The following DLG2 variants were observed in gnomAD, a reference collection of about 807,000 sequenced individuals.
DLG2 encodes discs large MAGUK scaffold protein 2, also known as disks large homolog 2.
A neutral mutation model predicts 132.5 loss-of-function variants in DLG2; 45 were observed. The observed-to-expected ratio is 0.34, with a 90% CI of 0.27 to 0.44. The LOEUF (loss-of-function observed/expected upper bound fraction) is 0.44, where lower values mean the gene tolerates loss of function less well. Among genes scored for constraint, DLG2 ranks in the 20% least tolerant of loss-of-function variants. DLG2 has a pLI of 1.00. For synonymous variants in DLG2, 424 were observed against 419.6 expected, an observed-to-expected ratio of 1.01 and a Z score of -0.13; for missense variants, 1,045 against 1,196.9, an observed-to-expected ratio of 0.87 and a Z score of 1.87.
intron 4 of DLG2, among the ~76,000 whole-genome samples, chr11:85,259,041 T>A (rs1028687659): frequency 2.0e-5 from 3 of 152,190 alleles, no homozygotes; most frequent in Non-Finnish European, 4.4e-5. Context: ...CACCCCTTAC[T>A]TTAAGACTAA....
At chr11:83,983,602 CATA>C (rs1355285479) in intron 11 of DLG2, among the ~76,000 whole-genome samples, 1 of 151,730 alleles carries the variant, frequency 6.6e-6, no homozygotes, top group African/African-American at 2.4e-5. Flanking sequence ...TTAAATTAAC[CATA>C]ATAGTTGTTA....
chr11:83,989,357 GAGTA>G (rs2093568492), intron 11 of DLG2, among the ~76,000 whole-genome samples: 1 of 152,070 alleles, frequency 6.6e-6, no homozygotes, highest in Non-Finnish European at 1.5e-5. Context: ...TGTAATAAAG[GAGTA>G]AGTATATCTA....
chr11:84,890,120 G>C (rs2089092078), intron 6 of DLG2, among the ~76,000 whole-genome samples: 1 of 152,140 alleles, frequency 6.6e-6, no homozygotes, highest in East Asian at 1.9e-4. Flanking sequence ...TTATTTTCTA[G>C]ATGGCAAAAT....
chr11:84,648,100 A>C (rs772869012), intron 6 of DLG2, among the ~76,000 whole-genome samples: 6 of 152,178 alleles, frequency 3.9e-5, no homozygotes, highest in Non-Finnish European at 7.4e-5. Context: ...TATGAACAAG[A>C]TCTTACTGCC....
chr11:84,480,830 C>G (rs1369146044), intron 7 of DLG2, among the ~76,000 whole-genome samples: 1 of 150,988 alleles, frequency 6.6e-6, no homozygotes, highest in Admixed American at 6.6e-5. Context: ...ATCTCACCTC[C>G]CGGGTTCAAG....
At chr11:85,365,621 G>A (rs1306046490) in intron 3 of DLG2, among the ~76,000 whole-genome samples, 1 of 152,092 alleles carries the variant, frequency 6.6e-6, no homozygotes, top group African/African-American at 2.4e-5. Flanking sequence ...CTACTATAAA[G>A]ACACATGCAC....
chr11:84,911,064 G>A (rs1465511837), intron 6 of DLG2, among the ~76,000 whole-genome samples: 1 of 152,060 alleles, frequency 6.6e-6, no homozygotes, highest in Non-Finnish European at 1.5e-5. Context: ...AAAGCAATTA[G>A]AATGAAAAAT....
intron 6 of DLG2, among the ~76,000 whole-genome samples, chr11:84,561,167 A>G: frequency 6.6e-6 from 1 of 152,074 alleles, no homozygotes. Context: ...CAAATGATAG[A>G]TGTGCTTTAC....
At chr11:84,845,516 C>T (rs2081344143) in intron 6 of DLG2, among the ~76,000 whole-genome samples, 1 of 152,044 alleles carries the variant, frequency 6.6e-6, no homozygotes, top group African/African-American at 2.4e-5. Context: ...ATCATCACTA[C>T]TAACATCCAG....
chr11:83,876,832 T>C (rs1246994417), intron 15 of DLG2, among the ~76,000 whole-genome samples: 10 of 152,158 alleles, frequency 6.6e-5, no homozygotes, highest in Non-Finnish European at 1.3e-4. Flanking sequence ...CTTCATATCC[T>C]CTGCTTTTCC....
intron 8 of DLG2, among the ~76,000 whole-genome samples, chr11:84,193,050 A>T (rs189471737): frequency 2.0e-5 from 3 of 152,198 alleles, no homozygotes; most frequent in Non-Finnish European, 4.4e-5. Flanking sequence ...GAAGTGGCTA[A>T]CAATGCATGT....
Position 83,851,947 on chromosome 11 carries a change from T to C in DLG2, c.1566-18177A>G, listed in dbSNP as rs868812510. On this transcript the variant is annotated intron_variant, in intron 16 of 27. Transcript: ENST00000376104. The stretch of plus-strand genomic sequence containing the variant: ...AAAAAAAAAAAAAAAAAGACAGCCA[T>C]GTGAAGACAGAGATACACCAGGAGA... 5.2e-4 allele frequency among the ~76,000 whole-genome samples: 77 copies of C among 148,092 alleles called. No individual in the cohort carries two copies. In the Middle Eastern group the frequency reaches 0.014, roughly 27 times the overall value.
chr11:84,375,099 C>G (rs2154431203), intron 7 of DLG2, among the ~76,000 whole-genome samples: 2 of 152,124 alleles, frequency 1.3e-5, no homozygotes, highest in East Asian at 3.8e-4. Flanking sequence ...GTCTCCAAAG[C>G]AAGAATACCC....
chr11:85,277,398 C>T (rs1482934584), intron 4 of DLG2, among the ~76,000 whole-genome samples: 10 of 152,102 alleles, frequency 6.6e-5, no homozygotes, highest in Non-Finnish European at 7.4e-5. Context: ...ATCTTTGCAT[C>T]ATCCAAGTAA....
chr11:84,042,871 G>T (rs898007019), intron 11 of DLG2, among the ~76,000 whole-genome samples: 4 of 151,778 alleles, frequency 2.6e-5, no homozygotes, highest in African/African-American at 9.7e-5. Flanking sequence ...AACACATACT[G>T]GGGCCTGTAG....
intron 6 of DLG2, among the ~76,000 whole-genome samples, chr11:84,947,829 T>C (rs548257721): frequency 6.6e-6 from 1 of 152,356 alleles, no homozygotes; most frequent in South Asian, 2.1e-4. Context: ...TCTTTTACTC[T>C]CATAAGTGTC....
intron 18 of DLG2, among the ~76,000 whole-genome samples, chr11:83,768,155 T>C (rs149989047): frequency 1.3e-3 from 200 of 152,322 alleles, no homozygotes; most frequent in African/African-American, 4.6e-3. Context: ...TTTTTTCTTA[T>C]ACAAAAGAAA....
chr11:85,301,294 A>T (rs1275739093), intron 3 of DLG2, among the ~76,000 whole-genome samples: 1 of 152,170 alleles, frequency 6.6e-6, no homozygotes, highest in East Asian at 1.9e-4. Flanking sequence ...AGGTAGACTG[A>T]TGTATTCTGA....
chr11:84,268,776 G>C (rs78474703), intron 7 of DLG2, among the ~76,000 whole-genome samples: 18,814 of 151,994 alleles, frequency 0.12, 1,388 homozygotes, highest in Non-Finnish European at 0.15. Flanking sequence ...CTTTTTTACA[G>C]TTTGTAAAAT....
Sources: allele counts gnomAD v4.1 joint callset (sites outside exome capture counted in the v4.1 genomes callset), GRCh38; gene constraint gnomAD v4.1.1; transcripts MANE v1.5; gene names NCBI Gene and HGNC (gene_info 2026-07-23, HGNC 2026-07-21).